The following PDPN variants were observed in gnomAD, a reference collection of about 807,000 sequenced individuals.
PDPN encodes the protein PA2.26 antigen.
Under a neutral mutation model 23.2 loss-of-function variants are expected in PDPN, and 12 were observed. The ratio of observed to expected loss-of-function variants is 0.52; its 90% CI spans 0.33 to 0.84. PDPN has a LOEUF of 0.84. Among genes scored for constraint, PDPN ranks in the 40% least tolerant of loss-of-function variants. The probability of loss-of-function intolerance (pLI) is 0.02; values close to 1 mark genes in which losing one functional copy is unlikely to be tolerated. For missense variants in PDPN, 199 were observed against 212.2 expected, an observed-to-expected ratio of 0.94 and a Z score of 0.39; for synonymous variants, 77 against 76.7, an observed-to-expected ratio of 1.00 and a Z score of -0.02.
chr1:13,606,283 C>T (rs911028787), intron 1 of PDPN, among the ~76,000 whole-genome samples: 1 of 152,134 alleles, frequency 6.6e-6, no homozygotes, highest in African/African-American at 2.4e-5. Context: ...GGATTACAGG[C>T]GTGAACCACT....
chr1:13,610,287 C>T, intron 2 of PDPN, 100 bp from the exon 3 acceptor site: 1 of 949,850 alleles, frequency 1.1e-6, no homozygotes, highest in East Asian at 2.6e-5. Context: ...TCATATGTTC[C>T]ATATTTTTAT....
Position 13,610,472 on chromosome 1 carries a change from G to A in PDPN, c.287G>A (p.Ser96Asn), listed in dbSNP as rs1340306397. The A allele has an allele frequency of 1.2e-5, 19 of 1,614,080 alleles. No homozygotes were observed. Among genetic ancestry groups the A allele is most frequent in the Non-Finnish European group, 1.6e-5 (19 of 1,179,970 alleles). Residue 96 changes from serine (S) to asparagine (N), a missense_variant, in exon 3 of 6, where the codon AGT becomes AAT. Physicochemically the swap from Ser to Asn is conservative, Grantham distance 46. Transcript: ENST00000621990. ...AGCACAGTCCACGCGCAAGAACAAA[G>A]TCCAAGCGCCACAGCCTCAAACGTG... ...SESTVHAQEQ[S>N]PSATASNVAT...
chr1:13,612,945 C>T (rs1168939359), intron 3 of PDPN, among the ~76,000 whole-genome samples: 1 of 151,780 alleles, frequency 6.6e-6, no homozygotes, highest in Admixed American at 6.6e-5. Context: ...AGCCACCACC[C>T]AGAGGAGTTA....
chr1:13,597,872 G>A (rs933022337), intron 1 of PDPN, among the ~76,000 whole-genome samples: 1 of 152,008 alleles, frequency 6.6e-6, no homozygotes, highest in Non-Finnish European at 1.5e-5. Context: ...CTACTCGAGA[G>A]GCTAAGGTGG....
chr1:13,584,852 T>C (rs903726793), intron 1 of PDPN, among the ~76,000 whole-genome samples: 3 of 152,196 alleles, frequency 2.0e-5, no homozygotes, highest in African/African-American at 4.8e-5. Context: ...TTGTATCCCA[T>C]GTTGGGGTGG....
At chr1:13,610,579 G>T in intron 3 of PDPN, 63 bp downstream of exon 3, 2 of 1,548,174 alleles carry the variant, frequency 1.3e-6, no homozygotes, top group Non-Finnish European at 1.8e-6. Flanking sequence ...GCATTCCAAA[G>T]TCCATCAACA....
chr1:13,601,825 A>G (rs763681420), intron 1 of PDPN, among the ~76,000 whole-genome samples: 12 of 152,262 alleles, frequency 7.9e-5, no homozygotes, highest in Non-Finnish European at 1.2e-4. Flanking sequence ...ACGTAAGTAC[A>G]ATACCATAAG....
chr1:13,599,364 A>G (rs1454054853), intron 1 of PDPN, among the ~76,000 whole-genome samples: 1 of 134,096 alleles, frequency 7.5e-6, no homozygotes, highest in African/African-American at 2.8e-5. Context: ...GATGTGTTCG[A>G]GAAGCTATCT....
chr1:13,613,948 A>G (rs1641000786), intron 4 of PDPN, among the ~76,000 whole-genome samples: 1 of 146,530 alleles, frequency 6.8e-6, no homozygotes, highest in Non-Finnish European at 1.5e-5. Flanking sequence ...AGATGAGTCT[A>G]TTCCCTTAAT....
At chr1:13,602,610 T>C (rs1420580721) in intron 1 of PDPN, among the ~76,000 whole-genome samples, 2 of 152,180 alleles carry the variant, frequency 1.3e-5, no homozygotes, top group Non-Finnish European at 2.9e-5. Flanking sequence ...TCTCCCAGGC[T>C]GGAGTGCAAT....
In PDPN at chr1:13,614,355, C is replaced by G. The variant is rs1193024010; in HGVS notation, c.426C>G (p.Ile142Met). ...VGIIVGVLLA[I>M]GFIGAIIVVV... ...TCATAGTTGGGGTCTTACTAGCCAT[C>G]GGCTTCATTGGTGCAATCATCGTTG... Residue 142 changes from isoleucine to methionine, a missense_variant, in exon 5 of 6, where the codon ATC becomes ATG. By Grantham distance (10) the Ile-to-Met change is conservative. Transcript: ENST00000621990. 2.5e-6 allele frequency: 4 copies of G among 1,609,508 alleles called. No homozygotes were observed. The highest frequency in any genetic ancestry group is 3.4e-6 in the Non-Finnish European group (4 of 1,175,932).
chr1:13,614,353 A>G lies in PDPN; in HGVS notation c.424A>G (p.Ile142Val). ...AATCATAGTTGGGGTCTTACTAGCC[A>G]TCGGCTTCATTGGTGCAATCATCGT... ...VGIIVGVLLA[I>V]GFIGAIIVVV... The change falls in exon 5 of 6, where the codon ATC becomes GTC. Residue 142 changes from isoleucine (I) to valine (V), a missense_variant. Physicochemically the swap from Ile to Val is conservative, Grantham distance 29 (BLOSUM62 3). Coordinates refer to ENST00000621990, the MANE Select transcript of PDPN (RefSeq NM_006474.5). 4 of 1,610,462 alleles carry G rather than the reference A, an allele frequency of 2.5e-6. No individual in the cohort carries two copies. The highest frequency in any genetic ancestry group is 3.4e-6 in the Non-Finnish European group (4 of 1,176,622).
chr1:13,608,651 A>C (rs1423149161), intron 2 of PDPN, among the ~76,000 whole-genome samples: 1 of 152,138 alleles, frequency 6.6e-6, no homozygotes, highest in Non-Finnish European at 1.5e-5. Flanking sequence ...GAAAACGAAC[A>C]CTTAAACAAA....
chr1:13,593,379 G>T (rs537428050), intron 1 of PDPN, among the ~76,000 whole-genome samples: 14 of 152,286 alleles, frequency 9.2e-5, no homozygotes, highest in African/African-American at 3.1e-4. Flanking sequence ...AAGAGTGCCA[G>T]AGCTAAGCAC....
At chr1:13,583,800 A>C (rs767142794), upstream of PDPN, 1 of 1,529,748 alleles carries the variant, frequency 6.5e-7, no homozygotes, top group Admixed American at 2.1e-5. Flanking sequence ...TCCTCGGGAG[A>C]GATAAATGCT....
At chr1:13,586,247 A>G (rs1166415938) in intron 1 of PDPN, among the ~76,000 whole-genome samples, 1 of 152,156 alleles carries the variant, frequency 6.6e-6, no homozygotes, top group Non-Finnish European at 1.5e-5. Context: ...GATTTCCCCG[A>G]AACGCTTGCC....
chr1:13,605,391 C>G (rs930316890), intron 1 of PDPN, among the ~76,000 whole-genome samples: 2 of 152,184 alleles, frequency 1.3e-5, no homozygotes, highest in African/African-American at 4.8e-5. Context: ...TGTATTTAGT[C>G]ATGGAATTTC....
At chr1:13,602,705 G>C (rs1020764201) in intron 1 of PDPN, among the ~76,000 whole-genome samples, 1 of 152,054 alleles carries the variant, frequency 6.6e-6, no homozygotes, top group Non-Finnish European at 1.5e-5. Context: ...TGGGATTACA[G>C]GTGTGCACCA....
intron 1 of PDPN, among the ~76,000 whole-genome samples, chr1:13,587,608 A>C (rs369653721): frequency 6.6e-6 from 1 of 152,172 alleles, no homozygotes. Flanking sequence ...AAAACTTCTC[A>C]GGGAAGTACC....
Sources: allele counts gnomAD v4.1 joint callset (sites outside exome capture counted in the v4.1 genomes callset), GRCh38; gene constraint gnomAD v4.1.1; transcripts MANE v1.5; gene names NCBI Gene and HGNC (gene_info 2026-07-23, HGNC 2026-07-21).